Variants in NRG3 observed in about 807,000 individuals in gnomAD.
NRG3 encodes neuregulin 3.
Under a neutral mutation model 66.9 loss-of-function variants are expected in NRG3, and 31 were observed. The ratio of observed to expected loss-of-function variants is 0.46; its 90% CI spans 0.35 to 0.63. NRG3 has a LOEUF of 0.63. Among genes scored for constraint, NRG3 ranks in the 20% least tolerant of loss-of-function variants. NRG3 has a pLI of 0.00. For missense variants in NRG3, 910 were observed against 878.9 expected (o/e 1.04, Z -0.45); for synonymous variants, 393 against 359.4 (o/e 1.09, Z -1.06).
chr10:81,975,314 C>CATCTATCTATCTATGT (rs2060077930), intron 1 of NRG3, among the ~76,000 whole-genome samples: 1 of 143,718 alleles, frequency 7.0e-6, no homozygotes, highest in African/African-American at 2.6e-5. Context: ...AATTGTGTAA[C>CATCTATCTATCTATGT]ATCTATCTAT....
intron 2 of NRG3, among the ~76,000 whole-genome samples, chr10:82,706,539 A>AT (rs546920129): frequency 7.9e-4 from 121 of 152,242 alleles, no homozygotes; most frequent in Middle Eastern, 3.4e-3. Flanking sequence ...GTACTTGTAT[A>AT]TTTTTTTCAC....
chr10:82,693,456 A>G (rs1380921370), intron 2 of NRG3, among the ~76,000 whole-genome samples: 1 of 152,212 alleles, frequency 6.6e-6, no homozygotes, highest in East Asian at 1.9e-4. Flanking sequence ...GAGCACTGGC[A>G]CTGGAGCTAG....
At chr10:81,899,198 G>C (rs1171138585) in intron 1 of NRG3, among the ~76,000 whole-genome samples, 1 of 152,270 alleles carries the variant, frequency 6.6e-6, no homozygotes, top group Admixed American at 6.5e-5. Context: ...GCTGTTACAA[G>C]AATTAAATGA....
chr10:82,680,721 G>T (rs1158723250), intron 2 of NRG3, among the ~76,000 whole-genome samples: 1 of 152,174 alleles, frequency 6.6e-6, no homozygotes, highest in Non-Finnish European at 1.5e-5. Context: ...TCCTGAATAT[G>T]GTGAAGCTTT....
At chr10:82,190,515 A>G (rs1286414034) in intron 1 of NRG3, among the ~76,000 whole-genome samples, 1 of 152,146 alleles carries the variant, frequency 6.6e-6, no homozygotes, top group Non-Finnish European at 1.5e-5. Context: ...AACTGTAAAA[A>G]CATGTGATTT....
chr10:82,098,244 CTA>C (rs1017221753), intron 1 of NRG3, among the ~76,000 whole-genome samples: 5 of 149,688 alleles, frequency 3.3e-5, no homozygotes, highest in Admixed American at 6.7e-5. Context: ...TAGATGTCAT[CTA>C]TATATATATG....
At chr10:82,583,911 T>C (rs997562037) in intron 2 of NRG3, among the ~76,000 whole-genome samples, 1 of 152,086 alleles carries the variant, frequency 6.6e-6, no homozygotes, top group Admixed American at 6.6e-5. Flanking sequence ...CAAATGAACA[T>C]GGAAAAGCTA....
chr10:82,906,995 C>A (rs1297139748), intron 4 of NRG3, among the ~76,000 whole-genome samples: 1 of 152,262 alleles, frequency 6.6e-6, no homozygotes, highest in Admixed American at 6.5e-5. Flanking sequence ...TTGAATGGGT[C>A]CTTACATCTC....
chr10:82,844,671 C>CTTT (rs35056787), intron 3 of NRG3, among the ~76,000 whole-genome samples: 2 of 138,496 alleles, frequency 1.4e-5, no homozygotes. Context: ...CCTCTACAAT[C>CTTT]TTTTTTTTTT....
intron 2 of NRG3, among the ~76,000 whole-genome samples, chr10:82,623,619 G>A (rs1478310891): frequency 6.6e-6 from 1 of 152,176 alleles, no homozygotes; most frequent in Non-Finnish European, 1.5e-5. Flanking sequence ...GTACCTGTGA[G>A]ACAGAAAAGC....
At chr10:82,342,627 C>A (rs978992985) in intron 1 of NRG3, among the ~76,000 whole-genome samples, 4 of 151,730 alleles carry the variant, frequency 2.6e-5, no homozygotes, top group Non-Finnish European at 5.9e-5. Flanking sequence ...ATTTATTTTT[C>A]TTGTTGAGCT....
At chr10:82,939,147 G>T (rs1290007056) in intron 4 of NRG3, among the ~76,000 whole-genome samples, 2 of 152,084 alleles carry the variant, frequency 1.3e-5, no homozygotes, top group Admixed American at 1.3e-4. Flanking sequence ...TTCAAAATAT[G>T]TCTTATAACA....
At chr10:82,544,618 A>C (rs924681450) in intron 2 of NRG3, among the ~76,000 whole-genome samples, 2 of 152,154 alleles carry the variant, frequency 1.3e-5, no homozygotes, top group Non-Finnish European at 2.9e-5. Flanking sequence ...TGGTTTCAGC[A>C]GGAGGGTGAG....
intron 2 of NRG3, among the ~76,000 whole-genome samples, chr10:82,640,829 C>G (rs1223763779): frequency 6.6e-6 from 1 of 152,038 alleles, no homozygotes; most frequent in Non-Finnish European, 1.5e-5. Flanking sequence ...ATGTCATAAA[C>G]TAAATGAAAT....
chr10:81,953,845 C>G (rs1849588036), intron 1 of NRG3, among the ~76,000 whole-genome samples: 1 of 152,100 alleles, frequency 6.6e-6, no homozygotes, highest in Non-Finnish European at 1.5e-5. Context: ...CTTATGTTGT[C>G]TAAGCAGGAA....
chr10:82,382,595 A>C (rs2085690999), intron 2 of NRG3, among the ~76,000 whole-genome samples: 1 of 151,864 alleles, frequency 6.6e-6, no homozygotes, highest in Non-Finnish European at 1.5e-5. Context: ...TGTTTCATAG[A>C]CTTTTGTTAA....
intron 2 of NRG3, among the ~76,000 whole-genome samples, chr10:82,638,933 C>A (rs1012482152): frequency 6.6e-6 from 1 of 152,184 alleles, no homozygotes; most frequent in African/African-American, 2.4e-5. Context: ...GTGTGAGCCA[C>A]TGTGCCCGGC....
At chr10:82,957,600 G>A (rs192893763) in intron 5 of NRG3, among the ~76,000 whole-genome samples, 2 of 151,986 alleles carry the variant, frequency 1.3e-5, no homozygotes, top group East Asian at 1.9e-4. Flanking sequence ...TGTGAAAACC[G>A]CAGCTTTGCA....
At chr10:82,356,494 T>C (rs753359258) in intron 1 of NRG3, among the ~76,000 whole-genome samples, 1 of 152,220 alleles carries the variant, frequency 6.6e-6, no homozygotes, top group Non-Finnish European at 1.5e-5. Context: ...CATAGAGAGA[T>C]TGATTCTGTG....
Sources: gnomAD v4.1 joint callset for allele counts (sites outside exome capture counted in the v4.1 genomes callset) on GRCh38, gnomAD v4.1.1 for gene constraint, MANE v1.5 for transcripts, NCBI Gene and HGNC (gene_info 2026-07-23, HGNC 2026-07-21) for gene names.